The following GSE1 variants were observed in gnomAD, a reference collection of about 807,000 sequenced individuals.
The protein encoded by GSE1 is Gse1 coiled-coil protein, also known as genetic suppressor element 1.
In GSE1, 32 loss-of-function variants were observed where a neutral mutation model predicts 112.6. The observed-to-expected ratio is 0.28, with a 90% CI of 0.21 to 0.38. GSE1 has a LOEUF of 0.38. Among genes scored for constraint, GSE1 ranks in the 10% least tolerant of loss-of-function variants. The pLI is 1.00. For missense variants in GSE1, 2,348 were observed against 1,699.2 expected (o/e 1.38, Z -6.71); for synonymous variants, 1,115 against 735.6 (o/e 1.52, Z -8.35).
chr16:85,284,197 C>CCGG (rs1185954805), intron 1 of GSE1, among the ~76,000 whole-genome samples: 4 of 152,216 alleles, frequency 2.6e-5, no homozygotes, highest in African/African-American at 9.6e-5. Context: ...GAGAATCTGC[C>CCGG]CGGCGGGTCG....
Position 85,372,486 on chromosome 16 carries a change from C to CA in GSE1, c.2464+14866dup, listed in dbSNP as rs3030350. 4.9e-3 allele frequency among the ~76,000 whole-genome samples: 427 copies of CA among 87,216 alleles called. 2 individuals carry two copies. The highest frequency in any genetic ancestry group is 6.4e-3 in the African/African-American group (147 of 23,000). 57.2% of individuals were successfully genotyped at this position (87,216 alleles called of 152,430 possible). A position where few individuals can be genotyped will look rare whatever the true frequency, so the allele number is the denominator to read the frequency against. ...CAGTGAAACTCTGGACTCTGTCTCA[C>CA]AAAAAAAAAAAAAAAAAAAAAAAGA... On this transcript the variant is annotated intron_variant, in intron 2 of 2. Transcript: ENST00000637419.
At chr16:85,646,767 G>T (rs1203988049) in intron 2 of GSE1, among the ~76,000 whole-genome samples, 1 of 152,100 alleles carries the variant, frequency 6.6e-6, no homozygotes, top group African/African-American at 2.4e-5. Flanking sequence ...GCTTCGTCAG[G>T]CTGGGCAGGG....
intron 2 of GSE1, among the ~76,000 whole-genome samples, chr16:85,416,167 A>G (rs1453208541): frequency 1.3e-5 from 2 of 152,200 alleles, no homozygotes; most frequent in Non-Finnish European, 2.9e-5. Flanking sequence ...AAGATAAACT[A>G]TTGACAAGCC....
chr16:85,619,083 C>G (rs958442939), intron 1 of GSE1, among the ~76,000 whole-genome samples: 1 of 152,348 alleles, frequency 6.6e-6, no homozygotes, highest in South Asian at 2.1e-4. Context: ...CCCTAAGGCT[C>G]AAGTCACCAC....
upstream of GSE1, chr16:85,555,730 G>A (rs936841988): frequency 2.1e-5 from 20 of 975,470 alleles, no homozygotes; most frequent in Non-Finnish European, 2.4e-5. Flanking sequence ...TTGGAAACAG[G>A]TCTCTTGACC....
intron 2 of GSE1, among the ~76,000 whole-genome samples, chr16:85,385,858 G>A (rs1409321235): frequency 6.6e-6 from 1 of 152,204 alleles, no homozygotes; most frequent in South Asian, 2.1e-4. Flanking sequence ...GACGGCTCCA[G>A]CTCCAGCTCC....
intron 2 of GSE1, chr16:85,359,382 G>A (rs1376944815): frequency 5.7e-5 from 26 of 455,940 alleles, no homozygotes; most frequent in Non-Finnish European, 8.4e-5. Flanking sequence ...GAGTCCTCCG[G>A]AGCAGAACAA....
At chr16:85,339,766 G>A (rs752079418) in intron 1 of GSE1, among the ~76,000 whole-genome samples, 11 of 152,106 alleles carry the variant, frequency 7.2e-5, no homozygotes, top group Non-Finnish European at 1.6e-4. Context: ...TTTATGCCAG[G>A]GGACGGCGTC....
intron 1 of GSE1, among the ~76,000 whole-genome samples, chr16:85,625,249 C>T (rs535786039): frequency 1.3e-5 from 2 of 152,208 alleles, no homozygotes; most frequent in Non-Finnish European, 2.9e-5. Flanking sequence ...ACACAGCAGC[C>T]GCTTAGGATA....
chr16:85,327,160 A>C (rs775091330), intron 1 of GSE1, among the ~76,000 whole-genome samples: 1 of 152,196 alleles, frequency 6.6e-6, no homozygotes, highest in Non-Finnish European at 1.5e-5. Context: ...CAGGGTCCCA[A>C]GACCAGTGTC....
At chr16:85,176,716 C>A (rs565288520) in intron 1 of GSE1, among the ~76,000 whole-genome samples, 1 of 152,112 alleles carries the variant, frequency 6.6e-6, no homozygotes, top group South Asian at 2.1e-4. Flanking sequence ...GCCAGGCCCC[C>A]CGAGTGTGGC....
In GSE1 at chr16:85,191,408, A is replaced by C. The variant is rs1241582545; in HGVS notation, c.2283+19601A>C. Among the ~76,000 whole-genome samples, 5 of 152,208 alleles carry C rather than the reference A, an allele frequency of 3.3e-5. No individual in the cohort carries two copies. In the East Asian group the frequency reaches 9.6e-4, roughly 29 times the overall value. ...AACCATCACCGCTGTCTAATCTTAGAAATTCACCCCTGAAAGAAACCCCAT... is the reference window on the plus strand; with the variant it reads ...AACCATCACCGCTGTCTAATCTTAGCAATTCACCCCTGAAAGAAACCCCAT... On this transcript the variant is annotated intron_variant, in intron 1 of 2. Coordinates refer to the GSE1 transcript ENST00000637419.
At chr16:85,355,314 A>G (rs1329386542) in intron 1 of GSE1, among the ~76,000 whole-genome samples, 5 of 152,130 alleles carry the variant, frequency 3.3e-5, no homozygotes, top group African/African-American at 7.2e-5. Flanking sequence ...GTGGAGGGTC[A>G]CCAACCCCCA....
At chr16:85,346,770 G>C (rs1003135355) in intron 1 of GSE1, among the ~76,000 whole-genome samples, 5 of 150,706 alleles carry the variant, frequency 3.3e-5, no homozygotes, top group Non-Finnish European at 4.4e-5. Context: ...GTGGGTGGAC[G>C]GTGGATGGAT....
At chr16:85,393,635 A>T (rs2047898510) in intron 2 of GSE1, among the ~76,000 whole-genome samples, 1 of 152,208 alleles carries the variant, frequency 6.6e-6, no homozygotes, top group African/African-American at 2.4e-5. Context: ...ACAGGTCTGC[A>T]ACCTTCTGGA....
At chr16:85,321,398 T>C (rs1252388163) in intron 1 of GSE1, among the ~76,000 whole-genome samples, 1 of 152,200 alleles carries the variant, frequency 6.6e-6, no homozygotes, top group Non-Finnish European at 1.5e-5. Flanking sequence ...CTCTAAATTA[T>C]ATACTTATTT....
intron 1 of GSE1, among the ~76,000 whole-genome samples, chr16:85,352,742 C>T (rs1418718772): frequency 6.6e-6 from 1 of 152,232 alleles, no homozygotes; most frequent in Non-Finnish European, 1.5e-5. Context: ...AATCACAAAA[C>T]CCTGTGTGCC....
chr16:85,625,108 C>T (rs2048981259), intron 1 of GSE1, among the ~76,000 whole-genome samples: 2 of 152,182 alleles, frequency 1.3e-5, no homozygotes, highest in South Asian at 2.1e-4. Flanking sequence ...CCGCCCTCTC[C>T]CTTGGTCTGT....
At chr16:85,525,896 C>A (rs1018472059) in intron 2 of GSE1, among the ~76,000 whole-genome samples, 1 of 152,202 alleles carries the variant, frequency 6.6e-6, no homozygotes, top group African/African-American at 2.4e-5. Context: ...GGTGGCTGAG[C>A]CTGAGCTCGC....
Sources: allele counts gnomAD v4.1 joint callset (sites outside exome capture counted in the v4.1 genomes callset), GRCh38; gene constraint gnomAD v4.1.1; transcripts MANE v1.5; gene names NCBI Gene and HGNC (gene_info 2026-07-23, HGNC 2026-07-21).